WDR89: variants seen among roughly 807,000 people sequenced by gnomAD.
WDR89 encodes WD repeat-containing protein 89.
In WDR89, 17 loss-of-function variants were observed where a neutral mutation model predicts 29.1. That is an observed-to-expected ratio of 0.58 (90% confidence interval 0.40 to 0.88). WDR89 has a LOEUF of 0.88. Ranked by LOEUF, WDR89 falls within the 40% of genes least tolerant of loss-of-function variation. The pLI, the probability that WDR89 is intolerant of heterozygous loss-of-function variation, is 0.00. For missense variants in WDR89, 396 were observed against 456.3 expected, an observed-to-expected ratio of 0.87 and a Z score of 1.20; for synonymous variants, 138 against 157.8, an observed-to-expected ratio of 0.87 and a Z score of 0.94.
intron 1 of WDR89, among the ~76,000 whole-genome samples, chr14:63,627,144 A>T (rs1483764255): frequency 3.8e-4 from 50 of 131,544 alleles, no homozygotes; most frequent in Admixed American, 3.2e-3. Flanking sequence ...ACACACACAC[A>T]CACACACTCT....
At chr14:63,610,702 CTTTT>C (rs1009799974) in intron 2 of WDR89, among the ~76,000 whole-genome samples, 2 of 129,134 alleles carry the variant, frequency 1.5e-5, no homozygotes, top group Non-Finnish European at 3.3e-5. Flanking sequence ...CTTTTCTTTT[CTTTT>C]TTTTTTTTTT....
chr14:63,636,404 AG>A, intron 1 of WDR89, among the ~76,000 whole-genome samples: 1 of 152,316 alleles, frequency 6.6e-6, no homozygotes, highest in East Asian at 1.9e-4. Context: ...TCACAGAACT[AG>A]AAAAAACAAT....
intron 2 of WDR89, among the ~76,000 whole-genome samples, chr14:63,611,520 T>C (rs1001547549): frequency 6.6e-6 from 1 of 151,988 alleles, no homozygotes; most frequent in African/African-American, 2.4e-5. Flanking sequence ...ATAAAGTCTG[T>C]CATTTAGTTA....
Position 63,636,761 on chromosome 14 carries a change from T to C in WDR89, c.-138+5043A>G, listed in dbSNP as rs565102020. Among the ~76,000 whole-genome samples, 655 of 152,160 alleles carry C rather than the reference T, an allele frequency of 4.3e-3. 7 individuals are homozygous for C. The highest frequency in any genetic ancestry group is 0.015 in the African/African-American group (602 of 41,514). On this transcript the variant is annotated intron_variant, in intron 1 of 2. Transcript: ENST00000620954. ...CCTCATCTCTCACCTTATACAAAAA[T>C]AAACTCAAGATGGATTAAGGACTTA...
intron 2 of WDR89, among the ~76,000 whole-genome samples, chr14:63,622,535 C>T (rs1193623873): frequency 6.6e-6 from 1 of 152,036 alleles, no homozygotes; most frequent in East Asian, 1.9e-4. Flanking sequence ...GAGCCGAGAC[C>T]ATGCCATTGC....
intron 1 of WDR89, among the ~76,000 whole-genome samples, chr14:63,631,020 C>A (rs1414974225): frequency 2.0e-5 from 3 of 152,124 alleles, no homozygotes; most frequent in Non-Finnish European, 2.9e-5. Context: ...CTGGCCTTAG[C>A]CTCCCAAGTG....
chr14:63,626,676 CAAAAAAAAAAAAAAAAAAAAAA>C (rs35582220), intron 1 of WDR89, among the ~76,000 whole-genome samples: 2 of 34,550 alleles, frequency 5.8e-5, no homozygotes, highest in Non-Finnish European at 1.2e-4. Flanking sequence ...GAGACTGTCT[CAAAAAAAAAAAAAAAAAAAAAA>C]AAAAAAAAAA....
intron 2 of WDR89, among the ~76,000 whole-genome samples, chr14:63,624,071 C>G (rs1341535403): frequency 1.3e-5 from 2 of 152,092 alleles, no homozygotes; most frequent in African/African-American, 2.4e-5. Context: ...GAATCTATGA[C>G]CTTTGGTTAG....
chr14:63,619,759 C>T (rs1882560166), intron 2 of WDR89, among the ~76,000 whole-genome samples: 1 of 152,056 alleles, frequency 6.6e-6, no homozygotes, highest in Admixed American at 6.6e-5. Context: ...ATTCCCAGCA[C>T]TCTGGGAGGC....
At chr14:63,620,444 G>A (rs188904404) in intron 2 of WDR89, among the ~76,000 whole-genome samples, 1 of 152,310 alleles carries the variant, frequency 6.6e-6, no homozygotes, top group Non-Finnish European at 1.5e-5. Flanking sequence ...CAGTAGATAG[G>A]TAGTTAATCA....
chr14:63,630,223 C>T (rs539005834), intron 1 of WDR89, among the ~76,000 whole-genome samples: 23 of 151,318 alleles, frequency 1.5e-4, no homozygotes, highest in Non-Finnish European at 2.8e-4. Context: ...GCTGGGATTA[C>T]AGGCGTGAGC....
chr14:63,607,607 C>A (rs1234545257), intron 2 of WDR89, among the ~76,000 whole-genome samples: 2 of 152,108 alleles, frequency 1.3e-5, no homozygotes, highest in Non-Finnish European at 2.9e-5. Context: ...CCAGGCCAGG[C>A]ATGGTGGCTC....
chr14:63,609,897 A>G (rs1200625973), intron 2 of WDR89, among the ~76,000 whole-genome samples: 1 of 152,050 alleles, frequency 6.6e-6, no homozygotes, highest in African/African-American at 2.4e-5. Context: ...TTCTCAGTGA[A>G]CTCTCCCAAG....
intron 2 of WDR89, among the ~76,000 whole-genome samples, chr14:63,608,801 T>C (rs1438288310): frequency 2.6e-5 from 4 of 151,960 alleles, no homozygotes; most frequent in African/African-American, 2.4e-5. Flanking sequence ...AATTACAATA[T>C]AGGAAGACAG....
At chr14:63,601,543 T>C in intron 2 of WDR89, 2 of 1,574,166 alleles carry the variant, frequency 1.3e-6, no homozygotes, top group Non-Finnish European at 1.7e-6. Flanking sequence ...CTTCCACTCT[T>C]TGACCGAGTA....
intron 1 of WDR89, among the ~76,000 whole-genome samples, chr14:63,634,691 G>A (rs1883618350): frequency 6.6e-6 from 1 of 152,042 alleles, no homozygotes; most frequent in South Asian, 2.1e-4. Context: ...TCAATATGGT[G>A]AAACCCCATC....
In WDR89 at chr14:63,598,821, T is replaced by A; in HGVS notation, c.1122A>T (p.Arg374=). 6.2e-7 allele frequency: 1 copy of A among 1,608,852 alleles called. No individual in the cohort carries two copies. Among genetic ancestry groups the A allele is most frequent in the South Asian group, 1.1e-5 (1 of 90,098 alleles). ...TTTTATAAGAATCATTACTATGAAC[T>A]CGTACTCGTTGGTGCACAGAGGATG... ...KIASSVHQRV[R]VHSNDSYKRR... is the part of the protein sequence containing the mutation. The change falls in exon 3 of 3, where the codon CGA becomes CGT. Residue 374 remains arginine (R), a synonymous_variant. Coordinates refer to ENST00000620954, the MANE Select transcript of WDR89 (RefSeq NM_080666.4).
chr14:63,636,462 T>G (rs1339259647), intron 1 of WDR89, among the ~76,000 whole-genome samples: 1 of 152,080 alleles, frequency 6.6e-6, no homozygotes, highest in East Asian at 1.9e-4. Context: ...AGCCAAAGCA[T>G]GACTAAGCAA....
intron 2 of WDR89, among the ~76,000 whole-genome samples, chr14:63,605,723 G>A (rs918118151): frequency 2.6e-5 from 4 of 152,132 alleles, no homozygotes; most frequent in African/African-American, 9.7e-5. Flanking sequence ...GTCTCCCAAA[G>A]TGCTGGGATT....
Sources: gnomAD v4.1 joint callset for allele counts (sites outside exome capture counted in the v4.1 genomes callset) on GRCh38, gnomAD v4.1.1 for gene constraint, MANE v1.5 for transcripts, NCBI Gene and HGNC (gene_info 2026-07-23, HGNC 2026-07-21) for gene names.